The following SYT10 variants were observed in gnomAD, a reference collection of about 807,000 sequenced individuals.
The protein encoded by SYT10 is synaptotagmin-10.
In SYT10, 31 loss-of-function variants were observed where a neutral mutation model predicts 51.1. That is an observed-to-expected ratio of 0.61 (90% confidence interval 0.46 to 0.82). SYT10 has a LOEUF of 0.82. SYT10 is among the 40% of genes least tolerant of loss of function. The probability of loss-of-function intolerance (pLI) is 0.00; values close to 1 mark genes in which losing one functional copy is unlikely to be tolerated. For synonymous variants in SYT10, 233 were observed against 225.9 expected (o/e 1.03, Z -0.28); for missense variants, 603 against 634.0 (o/e 0.95, Z 0.53).
rs1010399508 is a variant in SYT10, at chr12:33,374,238, T to C, written c.*2592A>G. 6.6e-6 allele frequency: 1 copy of C among 151,862 alleles called. No homozygotes were observed. Among genetic ancestry groups the C allele is most frequent in the African/African-American group, 2.4e-5 (1 of 41,394 alleles). The allele number at this position is 151,862 out of a possible 1,614,324, so 9.4% of individuals were successfully genotyped here. ...TGTTATTATGCTAATGAATCAACCCTTACTCTTTTTTTTCCTAGACTGATA... is the reference window on the plus strand; with the variant it reads ...TGTTATTATGCTAATGAATCAACCCCTACTCTTTTTTTTCCTAGACTGATA... On this transcript the variant is annotated 3_prime_UTR_variant, in exon 7 of 7. Coordinates refer to ENST00000228567, the MANE Select transcript of SYT10 (RefSeq NM_198992.4).
intron 3 of SYT10, among the ~76,000 whole-genome samples, chr12:33,389,741 T>C (rs1377222303): frequency 6.6e-6 from 1 of 152,212 alleles, no homozygotes; most frequent in Non-Finnish European, 1.5e-5. Flanking sequence ...TCCTTGGTGG[T>C]AAGAAAACAG....
intron 3 of SYT10, among the ~76,000 whole-genome samples, chr12:33,406,524 T>C (rs1866353608): frequency 6.6e-6 from 1 of 152,158 alleles, no homozygotes; most frequent in Non-Finnish European, 1.5e-5. Flanking sequence ...ATATTACAGA[T>C]GAATATTTTA....
chr12:33,406,945 A>T lies in SYT10; in HGVS notation c.921T>A (p.Asp307Glu). 2 of 1,614,110 alleles carry T rather than the reference A, an allele frequency of 1.2e-6. No individual in the cohort carries two copies. Among genetic ancestry groups the T allele is most frequent in the Admixed American group, 1.7e-5 (1 of 60,004 alleles). The change falls in exon 3 of 7, where the codon GAT becomes GAA. Residue 307 changes from aspartate (D) to glutamate (E), a missense_variant. By Grantham distance (45) the Asp-to-Glu change is conservative. Transcript: ENST00000228567. ...AATGTAGTTTTCGGTTGCTTAGTTG[A>T]TCATATGCTACAGGAAATTGAAAAG... The part of the protein sequence containing the change: ...DETFQFPVAY[D>E]QLSNRKLHFS...
intron 1 of SYT10, among the ~76,000 whole-genome samples, chr12:33,434,846 G>C (rs1479488596): frequency 6.6e-6 from 1 of 152,042 alleles, no homozygotes; most frequent in Non-Finnish European, 1.5e-5. Flanking sequence ...AAAGTAGCTA[G>C]TATGAACCAC....
rs544290805 is a variant in SYT10 at position 33,426,449 on chromosome 12, C to T, written c.198G>A (p.Leu66=). The change falls in exon 2 of 7, where the codon CTG becomes CTA. Residue 66 remains leucine, a synonymous_variant. Coordinates refer to ENST00000228567, the MANE Select transcript of SYT10 (RefSeq NM_198992.4). ...CAAAAAGTGAGACAACCAACAAGGC[C>T]AGTCCACAAAAGCTGACAACGACAG... is the stretch of plus-strand genomic sequence containing the variant. ...LLAVVVSFCG[L]ALLVVSLFVF... The T allele has an allele frequency of 8.7e-6, 14 of 1,610,006 alleles. No homozygotes were observed. In the African/African-American group the frequency reaches 1.9e-4, roughly 22 times the overall value.
intron 3 of SYT10, among the ~76,000 whole-genome samples, chr12:33,387,705 C>T (rs189951393): frequency 2.0e-5 from 3 of 150,976 alleles, no homozygotes; most frequent in East Asian, 3.9e-4. Context: ...AAGAGCACAG[C>T]CTACTGCTGA....
At chr12:33,425,155 T>C (rs1177836426) in intron 2 of SYT10, among the ~76,000 whole-genome samples, 1 of 152,136 alleles carries the variant, frequency 6.6e-6, no homozygotes, top group African/African-American at 2.4e-5. Context: ...CTTAAAAGTA[T>C]TACCATGTTG....
At chr12:33,388,209 CTT>C (rs1411862968) in intron 3 of SYT10, among the ~76,000 whole-genome samples, 2 of 152,076 alleles carry the variant, frequency 1.3e-5, no homozygotes, top group African/African-American at 4.8e-5. Context: ...GCCTCAGTAA[CTT>C]AAACTCAACA....
chr12:33,424,478 A>G (rs1047095731), intron 2 of SYT10, among the ~76,000 whole-genome samples: 11 of 152,086 alleles, frequency 7.2e-5, no homozygotes, highest in African/African-American at 2.4e-4. Flanking sequence ...TTAATTGAAG[A>G]TTTTTACCTT....
chr12:33,393,184 C>T (rs1274125492), intron 3 of SYT10, among the ~76,000 whole-genome samples: 4 of 151,878 alleles, frequency 2.6e-5, no homozygotes, highest in Non-Finnish European at 5.9e-5. Flanking sequence ...TCAAAATTAG[C>T]TGTGTAATGA....
At chr12:33,398,202 C>A (rs1324162212) in intron 3 of SYT10, among the ~76,000 whole-genome samples, 1 of 152,056 alleles carries the variant, frequency 6.6e-6, no homozygotes. Context: ...GTATACACAT[C>A]ATACATTATA....
intron 2 of SYT10, among the ~76,000 whole-genome samples, chr12:33,413,547 G>T (rs895226157): frequency 2.6e-5 from 4 of 152,122 alleles, no homozygotes; most frequent in African/African-American, 7.2e-5. Flanking sequence ...TTAAAGAAAA[G>T]TATTTTCAAC....
chr12:33,380,420 C>T (rs1391223091), intron 5 of SYT10, among the ~76,000 whole-genome samples: 1 of 151,986 alleles, frequency 6.6e-6, no homozygotes, highest in African/African-American at 2.4e-5. Context: ...TAAATGATAC[C>T]TCAGTGTGTT....
At chr12:33,405,877 A>G (rs1416160503) in intron 3 of SYT10, 7 of 151,058 alleles carry the variant, frequency 4.6e-5, no homozygotes, top group Non-Finnish European at 7.4e-5. Context: ...AAACAGATTT[A>G]CAAAAAAAGA....
intron 2 of SYT10, among the ~76,000 whole-genome samples, chr12:33,415,706 C>T (rs137891005): frequency 2.2e-4 from 33 of 152,232 alleles, no homozygotes; most frequent in Admixed American, 3.3e-4. Flanking sequence ...AATAGCAAGA[C>T]GAAATCAAGT....
At chr12:33,380,853 A>G (rs1202208498) in intron 5 of SYT10, among the ~76,000 whole-genome samples, 2 of 152,182 alleles carry the variant, frequency 1.3e-5, no homozygotes, top group East Asian at 1.9e-4. Flanking sequence ...AGGAGTTTCA[A>G]TTTTGACAGA....
chr12:33,398,244 T>C (rs1324868504), intron 3 of SYT10, among the ~76,000 whole-genome samples: 8 of 152,158 alleles, frequency 5.3e-5, no homozygotes, highest in Admixed American at 1.3e-4. Flanking sequence ...CCGGGCGCGG[T>C]GGCTCACACC....
intron 6 of SYT10, among the ~76,000 whole-genome samples, chr12:33,378,941 A>G (rs1437574287): frequency 6.6e-6 from 1 of 152,106 alleles, no homozygotes; most frequent in Non-Finnish European, 1.5e-5. Flanking sequence ...TCACATATAA[A>G]CAGATATTGA....
intron 2 of SYT10, among the ~76,000 whole-genome samples, chr12:33,412,633 A>G (rs1223224532): frequency 6.6e-6 from 1 of 152,222 alleles, no homozygotes; most frequent in Non-Finnish European, 1.5e-5. Flanking sequence ...TCTGACTGTT[A>G]GAAGGAAAAC....
Sources: gnomAD v4.1 joint callset for allele counts (sites outside exome capture counted in the v4.1 genomes callset) on GRCh38, gnomAD v4.1.1 for gene constraint, MANE v1.5 for transcripts, NCBI Gene and HGNC (gene_info 2026-07-23, HGNC 2026-07-21) for gene names.